Variants in CACNA2D3 observed in about 807,000 individuals in gnomAD.
CACNA2D3 encodes voltage-dependent calcium channel subunit alpha-2/delta-3.
CACNA2D3 carries 60 observed loss-of-function variants against 160.6 expected under a neutral mutation model. The observed-to-expected ratio is 0.37, with a 90% CI of 0.30 to 0.46. The LOEUF (loss-of-function observed/expected upper bound fraction) is 0.46. CACNA2D3 is among the 20% of genes least tolerant of loss of function. The probability of loss-of-function intolerance (pLI) is 1.00; values close to 1 mark genes in which losing one functional copy is unlikely to be tolerated. For missense variants in CACNA2D3, 1,205 were observed against 1,365.0 expected, an observed-to-expected ratio of 0.88 and a Z score of 1.85; for synonymous variants, 558 against 492.9, an observed-to-expected ratio of 1.13 and a Z score of -1.75.
chr3:54,728,185 C>CT (rs149268857), intron 11 of CACNA2D3, among the ~76,000 whole-genome samples: 6 of 151,966 alleles, frequency 3.9e-5, no homozygotes, highest in South Asian at 2.1e-4. Context: ...TTGCCCCATT[C>CT]TTTTTTTAAA....
At chr3:54,714,493 T>C (rs1320113207) in intron 11 of CACNA2D3, among the ~76,000 whole-genome samples, 1 of 152,202 alleles carries the variant, frequency 6.6e-6, no homozygotes, top group Non-Finnish European at 1.5e-5. Context: ...GGACTTGATA[T>C]ACCCCAAGAC....
chr3:54,226,449 T>G (rs1346253668), intron 2 of CACNA2D3, among the ~76,000 whole-genome samples: 1 of 151,496 alleles, frequency 6.6e-6, no homozygotes, highest in Non-Finnish European at 1.5e-5. Flanking sequence ...ACCACAGGCA[T>G]GTGCCACCAC....
intron 10 of CACNA2D3, among the ~76,000 whole-genome samples, chr3:54,636,844 G>A (rs1699384816): frequency 6.6e-6 from 1 of 152,038 alleles, no homozygotes; most frequent in African/African-American, 2.4e-5. Context: ...AATGGGGGCT[G>A]TCTGTGAAGC....
chr3:54,917,980 T>C (rs1315511523), intron 27 of CACNA2D3, among the ~76,000 whole-genome samples: 2 of 152,234 alleles, frequency 1.3e-5, no homozygotes, highest in Non-Finnish European at 2.9e-5. Context: ...TGATCTAGCA[T>C]GAACTCGAAT....
chr3:54,752,138 A>T (rs1701868903), intron 11 of CACNA2D3, among the ~76,000 whole-genome samples: 1 of 152,156 alleles, frequency 6.6e-6, no homozygotes, highest in Admixed American at 6.5e-5. Context: ...GACACCACAG[A>T]TGGTAAGAGA....
chr3:54,317,579 C>G (rs1703892007), intron 2 of CACNA2D3, among the ~76,000 whole-genome samples: 1 of 152,054 alleles, frequency 6.6e-6, no homozygotes. Flanking sequence ...GTCTTGTTGC[C>G]CAGGCTGGAG....
intron 11 of CACNA2D3, among the ~76,000 whole-genome samples, chr3:54,717,977 T>C (rs1701095409): frequency 6.6e-6 from 1 of 152,198 alleles, no homozygotes; most frequent in South Asian, 2.1e-4. Context: ...TTTTCATATG[T>C]ATATTAGAAA....
At chr3:54,603,012 A>G (rs1703092024) in intron 9 of CACNA2D3, among the ~76,000 whole-genome samples, 1 of 152,190 alleles carries the variant, frequency 6.6e-6, no homozygotes, top group Non-Finnish European at 1.5e-5. Flanking sequence ...CTCGTTGTCT[A>G]AAGCTGGAGG....
rs368525499 is a variant in CACNA2D3 at position 54,891,395 on chromosome 3, C to T, written c.2191C>T (p.Arg731Cys). 3.7e-6 allele frequency: 6 copies of T among 1,613,932 alleles called. No homozygotes were observed. Among genetic ancestry groups the T allele is most frequent in the East Asian group, 2.2e-5 (1 of 44,878 alleles). ...KGVEVAFLGTRTGLSRINLFV... is the reference protein window; with the variant it reads ...KGVEVAFLGTCTGLSRINLFV... ...CGTGGAGGTTGCCTTCCTCGGCACT[C>T]GCACGGGCCTCTCCAGAATCAACCT... Residue 731 changes from arginine to cysteine, a missense_variant, in exon 25 of 38, where the codon CGC becomes TGC. This residue lies in a region of CACNA2D3 where 911 missense variants were observed against 1,002.2 expected (regional missense o/e 0.91). Coordinates refer to ENST00000474759, the MANE Select transcript of CACNA2D3 (RefSeq NM_018398.3).
intron 3 of CACNA2D3, among the ~76,000 whole-genome samples, chr3:54,373,553 A>G (rs547536785): frequency 1.3e-5 from 2 of 152,324 alleles, no homozygotes; most frequent in East Asian, 3.9e-4. Context: ...GATACAGTAG[A>G]AAGAAATTAT....
intron 17 of CACNA2D3, among the ~76,000 whole-genome samples, chr3:54,865,020 C>T (rs961041507): frequency 1.4e-4 from 22 of 152,300 alleles, no homozygotes; most frequent in East Asian, 3.9e-4. Flanking sequence ...ACCTTCATGA[C>T]GAATGATGGG....
At position 54,899,842 on chromosome 3, in the gene CACNA2D3, A is replaced by G. The variant is rs1700285625; in HGVS notation, c.2423A>G (p.Asp808Gly). 4 of 1,606,240 alleles carry G rather than the reference A, an allele frequency of 2.5e-6. No homozygotes were observed. Among genetic ancestry groups the G allele is most frequent in the Non-Finnish European group, 2.6e-6 (3 of 1,176,160 alleles). The part of the protein sequence containing the change: ...VTASTSIQLL[D>G]ERKSPVVAAV... ...GCAAGTACATCCATCCAGCTCCTGGATGAACGGAAATCTCCTGTGGTGGCA... is the reference window on the plus strand; with the variant it reads ...GCAAGTACATCCATCCAGCTCCTGGGTGAACGGAAATCTCCTGTGGTGGCA... Residue 808 changes from aspartate to glycine, a missense_variant, in exon 27 of 38, where the codon GAT becomes GGT. By Grantham distance (94) the Asp-to-Gly change is moderately conservative. Around this residue, in one of 3 missense-constraint regions of CACNA2D3, gnomAD observed 911 missense variants for 1,002.2 expected, o/e 0.91. Transcript: ENST00000474759.
At chr3:54,241,323 A>G (rs562579166) in intron 2 of CACNA2D3, among the ~76,000 whole-genome samples, 2 of 152,190 alleles carry the variant, frequency 1.3e-5, no homozygotes, top group South Asian at 2.1e-4. Flanking sequence ...GCAGAGCTGT[A>G]TATAATCCTT....
chr3:54,673,773 C>A (rs1700196744), intron 11 of CACNA2D3, among the ~76,000 whole-genome samples: 1 of 152,182 alleles, frequency 6.6e-6, no homozygotes, highest in Non-Finnish European at 1.5e-5. Context: ...GTTTGGCACA[C>A]CCTTTGGCTA....
At chr3:54,672,972 G>A (rs554023310) in intron 11 of CACNA2D3, among the ~76,000 whole-genome samples, 6 of 152,312 alleles carry the variant, frequency 3.9e-5, no homozygotes, top group Admixed American at 6.5e-5. Context: ...AGCCAGTTTA[G>A]GAATGACAAG....
intron 14 of CACNA2D3, among the ~76,000 whole-genome samples, chr3:54,836,813 C>T (rs1259492412): frequency 6.6e-6 from 1 of 152,104 alleles, no homozygotes; most frequent in Non-Finnish European, 1.5e-5. Flanking sequence ...TCTTAAGAAA[C>T]ATAAGTGTCT....
intron 11 of CACNA2D3, among the ~76,000 whole-genome samples, chr3:54,664,382 CA>C (rs1450266146): frequency 6.6e-6 from 1 of 152,194 alleles, no homozygotes; most frequent in Non-Finnish European, 1.5e-5. Flanking sequence ...CTACATGTTC[CA>C]AAATACTCTG....
intron 2 of CACNA2D3, among the ~76,000 whole-genome samples, chr3:54,240,424 A>G (rs966595017): frequency 2.0e-5 from 3 of 152,184 alleles, no homozygotes; most frequent in Non-Finnish European, 4.4e-5. Flanking sequence ...GCGGTTACTG[A>G]AAACCCTCTG....
intron 2 of CACNA2D3, among the ~76,000 whole-genome samples, chr3:54,184,505 T>C (rs1356884759): frequency 1.3e-5 from 2 of 152,188 alleles, no homozygotes; most frequent in Non-Finnish European, 2.9e-5. Context: ...TGCTTAGCAT[T>C]GGCTATAGGA....
Sources: allele counts gnomAD v4.1 joint callset (sites outside exome capture counted in the v4.1 genomes callset), GRCh38; gene constraint gnomAD v4.1.1; regional missense constraint gnomAD v4.1.1; transcripts MANE v1.5; gene names NCBI Gene and HGNC (gene_info 2026-07-23, HGNC 2026-07-21).